TAF3: variants seen among roughly 807,000 people sequenced by gnomAD.
TAF3 encodes TATA-box binding protein associated factor 3.
In TAF3, 7 loss-of-function variants were observed where a neutral mutation model predicts 80.6. The observed-to-expected ratio is 0.09, with a 90% CI of 0.05 to 0.16. The LOEUF is 0.16. Among genes scored for constraint, TAF3 ranks in the 10% least tolerant of loss-of-function variants. TAF3 has a pLI of 1.00. For synonymous variants in TAF3, 444 were observed against 446.1 expected, an observed-to-expected ratio of 1.00 and a Z score of 0.06; for missense variants, 921 against 1,140.2, an observed-to-expected ratio of 0.81 and a Z score of 2.77.
At chr10:7,846,866 A>G (rs989091971) in intron 2 of TAF3, among the ~76,000 whole-genome samples, 3 of 152,222 alleles carry the variant, frequency 2.0e-5, no homozygotes, top group Admixed American at 6.5e-5. Flanking sequence ...GAAATCACCT[A>G]AGTAATAATG....
chr10:7,853,861 C>T (rs1837052373), intron 2 of TAF3, among the ~76,000 whole-genome samples: 1 of 152,208 alleles, frequency 6.6e-6, no homozygotes, highest in African/African-American at 2.4e-5. Flanking sequence ...CTGCATTCAT[C>T]CATCAGTTGC....
chr10:7,946,031 A>G (rs1838020976), intron 2 of TAF3, among the ~76,000 whole-genome samples: 1 of 152,100 alleles, frequency 6.6e-6, no homozygotes, highest in African/African-American at 2.4e-5. Flanking sequence ...CCTGACCCTG[A>G]CTGTCCTCCT....
chr10:7,827,203 G>A (rs1324695362), intron 2 of TAF3, among the ~76,000 whole-genome samples: 1 of 152,172 alleles, frequency 6.6e-6, no homozygotes, highest in Admixed American at 6.5e-5. Flanking sequence ...ACTGAGACAT[G>A]ACTCAGCGAG....
At chr10:8,008,737 G>A (rs1250230411) in intron 4 of TAF3, among the ~76,000 whole-genome samples, 2 of 152,222 alleles carry the variant, frequency 1.3e-5, no homozygotes, top group African/African-American at 2.4e-5. Flanking sequence ...ACTCAGCAGA[G>A]GTGGGGGTGG....
At chr10:7,943,037 T>A (rs1256636552) in intron 2 of TAF3, among the ~76,000 whole-genome samples, 1 of 152,176 alleles carries the variant, frequency 6.6e-6, no homozygotes. Flanking sequence ...TCCAGTTTCT[T>A]TCTGTGTCTG....
At chr10:7,931,960 G>A (rs1837873088) in intron 2 of TAF3, among the ~76,000 whole-genome samples, 1 of 152,172 alleles carries the variant, frequency 6.6e-6, no homozygotes, top group African/African-American at 2.4e-5. Flanking sequence ...GGAGTACAAA[G>A]TGCTAGAGAT....
rs141621769 is a variant in TAF3 at position 7,904,176 on chromosome 10, G to A, written c.410-59744G>A. On this transcript the variant is annotated intron_variant, in intron 2 of 6. Transcript: ENST00000344293. ...AGAGCCTGTTCAGTCTCGCATAGTG[G>A]GGTTGGGACACGCTCTTCCGAGGCA... Among the ~76,000 whole-genome samples the A allele has an allele frequency of 3.7e-3, 555 of 151,846 alleles. 4 individuals are homozygous for A. Among genetic ancestry groups the A allele is most frequent in the South Asian group, 0.02 (98 of 4,800 alleles).
At chr10:8,007,876 C>T (rs149800577) in intron 4 of TAF3, among the ~76,000 whole-genome samples, 217 of 151,984 alleles carry the variant, frequency 1.4e-3, no homozygotes, top group African/African-American at 4.7e-3. Context: ...TCCAAGGCCA[C>T]AGGTCTAGTC....
At chr10:7,866,008 A>G (rs867423331) in intron 2 of TAF3, among the ~76,000 whole-genome samples, 1 of 152,298 alleles carries the variant, frequency 6.6e-6, no homozygotes, top group Admixed American at 6.5e-5. Flanking sequence ...ACCCAATAGC[A>G]TATCCTGTAG....
At chr10:7,984,212 A>G (rs1332212856) in intron 4 of TAF3, among the ~76,000 whole-genome samples, 1 of 152,168 alleles carries the variant, frequency 6.6e-6, no homozygotes, top group African/African-American at 2.4e-5. Context: ...GAACAATGAT[A>G]TAGTCTCTAA....
intron 2 of TAF3, among the ~76,000 whole-genome samples, chr10:7,893,031 G>T (rs1056615521): frequency 6.6e-6 from 1 of 151,868 alleles, no homozygotes; most frequent in Non-Finnish European, 1.5e-5. Flanking sequence ...TGTTGATCAG[G>T]CTGGTCTCCA....
At chr10:7,936,659 A>G (rs1420666690) in intron 2 of TAF3, among the ~76,000 whole-genome samples, 1 of 151,996 alleles carries the variant, frequency 6.6e-6, no homozygotes, top group Non-Finnish European at 1.5e-5. Context: ...ATTTATTATA[A>G]CTGATGAAAC....
intron 2 of TAF3, among the ~76,000 whole-genome samples, chr10:7,878,690 A>AATGTATGTATGTATGTATGT (rs58593612): frequency 2.0e-5 from 3 of 146,900 alleles, no homozygotes; most frequent in African/African-American, 7.7e-5. Flanking sequence ...TAATTCAACC[A>AATGTATGTATGTATGTATGT]ATGTATGTAT....
At chr10:7,840,060 A>T (rs1836895271) in intron 2 of TAF3, among the ~76,000 whole-genome samples, 1 of 152,058 alleles carries the variant, frequency 6.6e-6, no homozygotes, top group Non-Finnish European at 1.5e-5. Context: ...AGATTTTTGG[A>T]TGGGGGAGTA....
intron 2 of TAF3, among the ~76,000 whole-genome samples, chr10:7,932,940 A>G (rs1336294566): frequency 6.6e-6 from 1 of 152,028 alleles, no homozygotes; most frequent in Non-Finnish European, 1.5e-5. Flanking sequence ...TTGGCCTCCC[A>G]AAGTGCTAGG....
In TAF3 at chr10:7,972,286, G is replaced by A. The variant is rs368889597; in HGVS notation, c.2233-4955G>A. ...ATAAAGTTAATGGAAACAAAAATCCGGGAAGAAATTTTAATTTCGAAATTG... is the reference window on the plus strand; with the variant it reads ...ATAAAGTTAATGGAAACAAAAATCCAGGAAGAAATTTTAATTTCGAAATTG... On this transcript the variant is annotated intron_variant, in intron 3 of 6. Coordinates refer to ENST00000344293, the MANE Select transcript of TAF3 (RefSeq NM_031923.4). Among the ~76,000 whole-genome samples, 10 of 152,228 alleles carry A rather than the reference G, an allele frequency of 6.6e-5. No individual in the cohort carries two copies. The East Asian group carries it at 7.7e-4, about 12-fold the overall frequency.
chr10:7,979,215 G>T (rs1296078808), intron 4 of TAF3, among the ~76,000 whole-genome samples: 1 of 149,288 alleles, frequency 6.7e-6, no homozygotes, highest in Non-Finnish European at 1.5e-5. Flanking sequence ...GTGGTGGCAG[G>T]TGCCTGTAGT....
chr10:7,967,652 T>A (rs921901900), intron 3 of TAF3, among the ~76,000 whole-genome samples: 1 of 152,212 alleles, frequency 6.6e-6, no homozygotes. Flanking sequence ...ATCCTGACTT[T>A]TGTAAAATGG....
Position 7,818,730 on chromosome 10 carries a change from G to T in TAF3, c.21G>T (p.Arg7Ser). ...GCGGGATGTGCGAGAGTTACTCCAG[G>T]TCGTTGTTGAGGGTCTCGGTGGCGC... The part of the protein sequence containing the change: MCESYS[R>S]SLLRVSVAQI... Residue 7 changes from arginine to serine, a missense_variant, in exon 1 of 7, where the codon AGG becomes AGT. Transcript: ENST00000344293. 1 of 1,607,486 alleles carries T rather than the reference G, an allele frequency of 6.2e-7. No individual in the cohort carries two copies. Among genetic ancestry groups the T allele is most frequent in the Non-Finnish European group, 8.5e-7 (1 of 1,178,218 alleles).
Sources: gnomAD v4.1 joint callset for allele counts (sites outside exome capture counted in the v4.1 genomes callset) on GRCh38, gnomAD v4.1.1 for gene constraint, MANE v1.5 for transcripts, NCBI Gene and HGNC (gene_info 2026-07-23, HGNC 2026-07-21) for gene names.